RAD18: variants seen among roughly 807,000 people sequenced by gnomAD.
The protein encoded by RAD18 is RAD18 E3 ubiquitin protein ligase.
In RAD18, 47 loss-of-function variants were observed where a neutral mutation model predicts 60.4. The ratio of observed to expected loss-of-function variants is 0.78; its 90% CI spans 0.62 to 0.99. The LOEUF (loss-of-function observed/expected upper bound fraction) is 0.99. RAD18 is among the 50% of genes least tolerant of loss of function. The pLI is 0.00. For synonymous variants in RAD18, 225 were observed against 195.5 expected, an observed-to-expected ratio of 1.15 and a Z score of -1.26; for missense variants, 640 against 593.3, an observed-to-expected ratio of 1.08 and a Z score of -0.82.
chr3:8,882,484 C>A (rs1219686242), intron 12 of RAD18, among the ~76,000 whole-genome samples: 1 of 152,024 alleles, frequency 6.6e-6, no homozygotes, highest in African/African-American at 2.4e-5. Flanking sequence ...TGAGAAAGGC[C>A]CACCCCTGAG....
chr3:8,921,584 G>C (rs2125058979), intron 7 of RAD18, among the ~76,000 whole-genome samples: 1 of 152,116 alleles, frequency 6.6e-6, no homozygotes, highest in East Asian at 1.9e-4. Context: ...AGGCTGCGGT[G>C]AACTATCATT....
chr3:8,893,618 C>T (rs950572128), intron 11 of RAD18, among the ~76,000 whole-genome samples: 4 of 151,522 alleles, frequency 2.6e-5, no homozygotes, highest in African/African-American at 7.3e-5. Flanking sequence ...ATGACAATGA[C>T]GAAAATTATC....
intron 12 of RAD18, among the ~76,000 whole-genome samples, chr3:8,889,500 T>C (rs1019255593): frequency 6.6e-6 from 1 of 152,164 alleles, no homozygotes; most frequent in African/African-American, 2.4e-5. Flanking sequence ...TGGAAAGAGA[T>C]GGACACAGTG....
At chr3:8,928,049 TAA>T (rs58756851) in intron 7 of RAD18, among the ~76,000 whole-genome samples, 2,783 of 121,664 alleles carry the variant, frequency 0.023, 77 homozygotes, top group African/African-American at 0.072. Context: ...CCCTAAAACT[TAA>T]AAAAAAAAAA....
chr3:8,884,876 A>G (rs1239990315), intron 12 of RAD18, among the ~76,000 whole-genome samples: 1 of 152,226 alleles, frequency 6.6e-6, no homozygotes, highest in Non-Finnish European at 1.5e-5. Context: ...ACTTACTGGA[A>G]TAACACTTCA....
chr3:8,896,619 T>C (rs1939789543), intron 11 of RAD18, among the ~76,000 whole-genome samples: 1 of 152,204 alleles, frequency 6.6e-6, no homozygotes, highest in Non-Finnish European at 1.5e-5. Flanking sequence ...TATTTGTCCA[T>C]GTATGTCCCA....
Position 8,881,354 on chromosome 3 carries a change from A to G in RAD18, c.*3T>C. The G allele has an allele frequency of 6.3e-7, 1 of 1,590,736 alleles. No individual in the cohort carries two copies. The highest frequency in any genetic ancestry group is 8.6e-7 in the Non-Finnish European group (1 of 1,160,470). On this transcript the variant is annotated 3_prime_UTR_variant, in exon 13 of 13. Coordinates refer to ENST00000264926, the MANE Select transcript of RAD18 (RefSeq NM_020165.4). Reference sequence around the variant, plus strand: ...GCATTTGAAAAGTCAGCAAAAGCCCACATTAATTCCTATTACGCTTGTTTC... The same window carrying G: ...GCATTTGAAAAGTCAGCAAAAGCCCGCATTAATTCCTATTACGCTTGTTTC...
In RAD18 at chr3:8,880,429, A is replaced by T. The variant is rs1211452961; in HGVS notation, c.*928T>A. 6.6e-6 allele frequency: 1 copy of T among 152,266 alleles called. No individual in the cohort carries two copies. The highest frequency in any genetic ancestry group is 1.5e-5 in the Non-Finnish European group (1 of 68,038). 9.4% of individuals were successfully genotyped at this position (152,266 alleles called of 1,614,324 possible). A position where few individuals can be genotyped will look rare whatever the true frequency, so the allele number is the denominator to read the frequency against. On this transcript the variant is annotated 3_prime_UTR_variant, in exon 13 of 13. Coordinates refer to ENST00000264926, the MANE Select transcript of RAD18 (RefSeq NM_020165.4). ...GCTGGCTCTGAAATGCCAGAGAGGCATTAAGAACTCTGGAAGCATCTGGCT... is the reference window on the plus strand; with the variant it reads ...GCTGGCTCTGAAATGCCAGAGAGGCTTTAAGAACTCTGGAAGCATCTGGCT...
chr3:8,892,170 A>G (rs986725188), intron 11 of RAD18, among the ~76,000 whole-genome samples: 1 of 152,216 alleles, frequency 6.6e-6, no homozygotes, highest in African/African-American at 2.4e-5. Context: ...GTCAGAGCAT[A>G]TACAAGCCTA....
In RAD18 at chr3:8,936,107, T is replaced by C. The variant is rs1575555484; in HGVS notation, c.705-52A>G. ...ATTATTGTGAATTATCAAATGCTTT[T>C]CATGTAAAATGGCAAATAAATTCTG... On this transcript the variant is annotated intron_variant, in intron 6 of 12. Coordinates refer to ENST00000264926, the MANE Select transcript of RAD18 (RefSeq NM_020165.4). 4 of 1,379,038 alleles carry C rather than the reference T, an allele frequency of 2.9e-6. No homozygotes were observed. In the East Asian group the frequency reaches 1.0e-4, roughly 35 times the overall value. 85.4% of individuals were successfully genotyped at this position (1,379,038 alleles called of 1,614,324 possible). A position where few individuals can be genotyped will look rare whatever the true frequency, so the allele number is the denominator to read the frequency against.
chr3:8,929,533 G>A (rs142564691), intron 7 of RAD18, among the ~76,000 whole-genome samples: 1 of 152,162 alleles, frequency 6.6e-6, no homozygotes, highest in African/African-American at 2.4e-5. Flanking sequence ...AAAGATGAAT[G>A]GTTAGTTTAA....
intron 7 of RAD18, among the ~76,000 whole-genome samples, chr3:8,924,960 A>G (rs1457332922): frequency 6.6e-6 from 1 of 152,224 alleles, no homozygotes; most frequent in Admixed American, 6.5e-5. Context: ...AGAAAGCAGG[A>G]AAGATCTAAA....
chr3:8,890,023 G>A (rs620103), intron 12 of RAD18: 134,335 of 230,210 alleles, frequency 0.58, 43,842 homozygotes, highest in Middle Eastern at 0.74. Context: ...ATACCCTAGA[G>A]CCCAGCTGTG....
intron 2 of RAD18, among the ~76,000 whole-genome samples, chr3:8,950,376 T>C (rs1033772561): frequency 2.0e-5 from 3 of 152,086 alleles, no homozygotes; most frequent in African/African-American, 7.2e-5. Context: ...CAGAAGAAAC[T>C]ATTTTACAGA....
intron 6 of RAD18, among the ~76,000 whole-genome samples, chr3:8,937,367 A>C (rs1940670955): frequency 6.6e-6 from 1 of 152,248 alleles, no homozygotes; most frequent in Admixed American, 6.5e-5. Context: ...AATTTCTATC[A>C]GGAATTTTAA....
chr3:8,901,151 T>A (rs1310982018), intron 10 of RAD18, among the ~76,000 whole-genome samples: 1 of 152,160 alleles, frequency 6.6e-6, no homozygotes, highest in Non-Finnish European at 1.5e-5. Flanking sequence ...CTACAATTTT[T>A]AAAAAATTTA....
intron 9 of RAD18, among the ~76,000 whole-genome samples, chr3:8,911,441 C>G (rs976872021): frequency 1.3e-5 from 2 of 152,184 alleles, no homozygotes; most frequent in African/African-American, 2.4e-5. Flanking sequence ...AAAAATCACT[C>G]TGACATCCTA....
At chr3:8,896,827 GT>G (rs1232576286) in intron 11 of RAD18, among the ~76,000 whole-genome samples, 12 of 152,188 alleles carry the variant, frequency 7.9e-5, no homozygotes, top group African/African-American at 2.9e-4. Flanking sequence ...TTTGCTATGT[GT>G]GCTGAAGAAA....
chr3:8,933,032 G>A (rs913603534), intron 7 of RAD18, among the ~76,000 whole-genome samples: 2 of 151,980 alleles, frequency 1.3e-5, no homozygotes, highest in African/African-American at 4.8e-5. Context: ...GGAGACGGAG[G>A]TTACAGTGAG....
Sources: allele counts gnomAD v4.1 joint callset (sites outside exome capture counted in the v4.1 genomes callset), GRCh38; gene constraint gnomAD v4.1.1; transcripts MANE v1.5; gene names NCBI Gene and HGNC (gene_info 2026-07-23, HGNC 2026-07-21).